Variants in BTRC observed in about 807,000 individuals in gnomAD.
BTRC encodes F-box/WD repeat-containing protein 1A.
In BTRC, 42 loss-of-function variants were observed where a neutral mutation model predicts 85.5. That is an observed-to-expected ratio of 0.49 (90% CI 0.38 to 0.64). BTRC has a LOEUF of 0.64. Among genes scored for constraint, BTRC ranks in the 30% least tolerant of loss-of-function variants. The pLI is 0.00. For synonymous variants in BTRC, 255 were observed against 263.3 expected (o/e 0.97, Z 0.30); for missense variants, 594 against 743.5 (o/e 0.80, Z 2.34).
At chr10:101,532,896 G>T in intron 8 of BTRC, 56 bp from the exon 9 acceptor site, 2 of 1,359,512 alleles carry the variant, frequency 1.5e-6, no homozygotes, top group Non-Finnish European at 2.1e-6. Flanking sequence ...GGACCAACAA[G>T]TCTCCACAGC....
chr10:101,542,005 T>C (rs2062476390), intron 13 of BTRC, among the ~76,000 whole-genome samples: 1 of 152,240 alleles, frequency 6.6e-6, no homozygotes, highest in African/African-American at 2.4e-5. Context: ...ATTATGCTTC[T>C]TTAAATGCTT....
intron 13 of BTRC, among the ~76,000 whole-genome samples, chr10:101,542,870 T>A (rs1191703911): frequency 6.6e-6 from 1 of 152,072 alleles, no homozygotes; most frequent in African/African-American, 2.4e-5. Flanking sequence ...CTTCATGGTT[T>A]TTTTTGTTGT....
At chr10:101,437,830 C>G (rs565261406) in intron 2 of BTRC, among the ~76,000 whole-genome samples, 2 of 152,124 alleles carry the variant, frequency 1.3e-5, no homozygotes, top group Admixed American at 6.5e-5. Flanking sequence ...TTGCATATAC[C>G]GTTCTGCTTA....
intron 13 of BTRC, among the ~76,000 whole-genome samples, chr10:101,542,108 T>C (rs2062477786): frequency 6.6e-6 from 1 of 152,224 alleles, no homozygotes; most frequent in Non-Finnish European, 1.5e-5. Flanking sequence ...TACAGCACTC[T>C]TCAGATTTAA....
chr10:101,496,584 A>G (rs1403986963), intron 4 of BTRC, among the ~76,000 whole-genome samples: 1 of 152,100 alleles, frequency 6.6e-6, no homozygotes, highest in African/African-American at 2.4e-5. Context: ...GCAATTTAAA[A>G]AATAATAATA....
intron 1 of BTRC, among the ~76,000 whole-genome samples, chr10:101,380,081 C>T (rs1158328093): frequency 1.3e-5 from 2 of 151,962 alleles, no homozygotes; most frequent in Admixed American, 6.6e-5. Flanking sequence ...TTTGAAATAC[C>T]TTGTAATTAG....
Position 101,521,762 on chromosome 10 carries a change from G to A in BTRC, c.448G>A (p.Val150Met). The change falls in exon 5 of 15, where the codon GTG becomes ATG. Residue 150 changes from valine (V) to methionine (M), a missense_variant. Val to Met is a conservative substitution (Grantham distance 21). Around this residue, in one of 4 missense-constraint regions of BTRC, gnomAD observed 163 missense variants for 180.5 expected, o/e 0.90. Coordinates refer to ENST00000370187, the MANE Select transcript of BTRC (RefSeq NM_033637.4). ...TGAGCAGTGGTCAGAGTCAGATCAA[G>A]TGGAATTTGTGGAACATCTTATATC... ...YFEQWSESDQ[V>M]EFVEHLISQM... is the part of the protein sequence containing the mutation. 1 of 1,614,092 alleles carries A rather than the reference G, an allele frequency of 6.2e-7. No individual in the cohort carries two copies. Among genetic ancestry groups the A allele is most frequent in the Non-Finnish European group, 8.5e-7 (1 of 1,179,960 alleles).
intron 1 of BTRC, among the ~76,000 whole-genome samples, chr10:101,364,207 T>C (rs1447713848): frequency 6.6e-6 from 1 of 152,216 alleles, no homozygotes; most frequent in African/African-American, 2.4e-5. Context: ...CTTTTTCATT[T>C]TGGTTGCTGA....
At chr10:101,387,982 G>T (rs1353515054) in intron 1 of BTRC, among the ~76,000 whole-genome samples, 2 of 151,932 alleles carry the variant, frequency 1.3e-5, no homozygotes. Context: ...GAGCCACCAT[G>T]CCCGGCCTTT....
intron 7 of BTRC, among the ~76,000 whole-genome samples, chr10:101,531,605 C>T (rs933137611): frequency 6.6e-6 from 1 of 152,058 alleles, no homozygotes; most frequent in East Asian, 1.9e-4. Flanking sequence ...CCTGTAATTC[C>T]AGCTACTCAG....
intron 1 of BTRC, among the ~76,000 whole-genome samples, chr10:101,415,683 A>C (rs1943926419): frequency 6.6e-6 from 1 of 151,190 alleles, no homozygotes; most frequent in Non-Finnish European, 1.5e-5. Flanking sequence ...CTGGGATTAC[A>C]GGCATGCGCC....
Position 101,536,627 on chromosome 10 carries a change from G to A in BTRC, c.1551G>A (p.Lys517=), listed in dbSNP as rs781135427. The change falls in exon 12 of 15, where the codon AAG becomes AAA. Residue 517 remains lysine, a synonymous_variant. Coordinates refer to ENST00000370187, the MANE Select transcript of BTRC (RefSeq NM_033637.4). ...ELVRCIRFDN[K]RIVSGAYDGK... ...TGCGTTGTATTCGATTTGATAACAA[G>A]AGGATAGTCAGTGGGGCCTATGATG... The A allele has an allele frequency of 1.2e-6, 2 of 1,613,618 alleles. No individual in the cohort carries two copies. The highest frequency in any genetic ancestry group is 2.2e-5 in the East Asian group (1 of 44,852).
At chr10:101,443,745 A>G (rs1226430536) in intron 2 of BTRC, among the ~76,000 whole-genome samples, 2 of 152,156 alleles carry the variant, frequency 1.3e-5, no homozygotes, top group Non-Finnish European at 2.9e-5. Context: ...AATGACTATA[A>G]TTTGTACTTT....
chr10:101,449,105 G>A (rs185685197), intron 2 of BTRC, among the ~76,000 whole-genome samples: 1 of 152,036 alleles, frequency 6.6e-6, no homozygotes, highest in Non-Finnish European at 1.5e-5. Flanking sequence ...ATCTAGCCCA[G>A]TCTAGCTTTC....
At chr10:101,401,202 A>G (rs947736153) in intron 1 of BTRC, among the ~76,000 whole-genome samples, 1 of 152,244 alleles carries the variant, frequency 6.6e-6, no homozygotes, top group Non-Finnish European at 1.5e-5. Context: ...AAGGGTATTT[A>G]AGTACAGGTA....
At chr10:101,380,792 A>G (rs1354639056) in intron 1 of BTRC, among the ~76,000 whole-genome samples, 1 of 152,204 alleles carries the variant, frequency 6.6e-6, no homozygotes, top group Non-Finnish European at 1.5e-5. Context: ...GCTTAACAAT[A>G]TGTGATACAT....
At chr10:101,390,593 A>G (rs1204638475) in intron 1 of BTRC, among the ~76,000 whole-genome samples, 1 of 151,908 alleles carries the variant, frequency 6.6e-6, no homozygotes, top group Non-Finnish European at 1.5e-5. Flanking sequence ...CGGTCTCCCA[A>G]AGCGCTAGGA....
intron 1 of BTRC, among the ~76,000 whole-genome samples, chr10:101,377,360 C>T (rs1041727030): frequency 6.6e-6 from 1 of 152,152 alleles, no homozygotes; most frequent in Non-Finnish European, 1.5e-5. Flanking sequence ...TAAATAAACA[C>T]TTGTGTATAG....
At chr10:101,520,413 C>T (rs2062087117) in intron 4 of BTRC, among the ~76,000 whole-genome samples, 1 of 152,104 alleles carries the variant, frequency 6.6e-6, no homozygotes, top group Non-Finnish European at 1.5e-5. Flanking sequence ...TAGAGACTGT[C>T]ATTTTTGTTC....
Sources: gnomAD v4.1 joint callset for allele counts (sites outside exome capture counted in the v4.1 genomes callset) on GRCh38, gnomAD v4.1.1 for gene constraint, gnomAD v4.1.1 regional missense constraint, MANE v1.5 for transcripts, NCBI Gene and HGNC (gene_info 2026-07-23, HGNC 2026-07-21) for gene names.